The following KCNIP4 variants were observed in gnomAD, a reference collection of about 807,000 sequenced individuals.
KCNIP4 encodes the protein Kv channel-interacting protein 4.
A neutral mutation model predicts 34.0 loss-of-function variants in KCNIP4; 12 were observed. The observed-to-expected ratio is 0.35, with a 90% CI of 0.23 to 0.57. The LOEUF is 0.57. Ranked by LOEUF, KCNIP4 falls within the 20% of genes least tolerant of loss-of-function variation. The pLI is 0.83. For missense variants in KCNIP4, 238 were observed against 311.7 expected (o/e 0.76, Z 1.78); for synonymous variants, 124 against 102.2 (o/e 1.21, Z -1.29).
intron 1 of KCNIP4, among the ~76,000 whole-genome samples, chr4:20,952,960 C>T (rs920790029): frequency 1.3e-5 from 2 of 152,228 alleles, no homozygotes; most frequent in African/African-American, 4.8e-5. Context: ...TAAACTCCCC[C>T]AGTCCTCTTT....
At chr4:21,252,037 T>TG (rs1196734109) in intron 1 of KCNIP4, among the ~76,000 whole-genome samples, 1 of 149,452 alleles carries the variant, frequency 6.7e-6, no homozygotes, top group Non-Finnish European at 1.5e-5. Context: ...AGAAATATAA[T>TG]GGGAAAAAAA....
At chr4:21,268,501 A>AATT (rs1441852498) in intron 1 of KCNIP4, among the ~76,000 whole-genome samples, 6 of 152,156 alleles carry the variant, frequency 3.9e-5, no homozygotes, top group Non-Finnish European at 5.9e-5. Context: ...TGTTTTCTAA[A>AATT]ATTAACTTTG....
intron 1 of KCNIP4, among the ~76,000 whole-genome samples, chr4:20,963,509 A>G (rs1203232364): frequency 6.6e-6 from 1 of 152,164 alleles, no homozygotes; most frequent in Non-Finnish European, 1.5e-5. Flanking sequence ...ACAATGATTT[A>G]TTAATGAACT....
At chr4:21,278,097 C>T (rs1762546897) in intron 1 of KCNIP4, among the ~76,000 whole-genome samples, 2 of 151,786 alleles carry the variant, frequency 1.3e-5, no homozygotes, top group South Asian at 2.1e-4. Flanking sequence ...GTAAAAAATT[C>T]CCACTTTCTT....
intron 1 of KCNIP4, among the ~76,000 whole-genome samples, chr4:21,507,754 T>C (rs1733968830): frequency 6.6e-6 from 1 of 152,190 alleles, no homozygotes. Flanking sequence ...AAGATAGTTA[T>C]GATGAACTAA....
At chr4:21,286,561 T>C (rs552877399) in intron 1 of KCNIP4, among the ~76,000 whole-genome samples, 4 of 152,300 alleles carry the variant, frequency 2.6e-5, no homozygotes, top group African/African-American at 9.6e-5. Context: ...CCAGAAACAT[T>C]TCTCCTAAAT....
chr4:20,786,725 A>G (rs1712049176), intron 3 of KCNIP4, among the ~76,000 whole-genome samples: 1 of 152,098 alleles, frequency 6.6e-6, no homozygotes, highest in Non-Finnish European at 1.5e-5. Context: ...GCCACTACCA[A>G]TTTCTTGCAA....
chr4:21,315,775 C>T (rs1244117658), intron 1 of KCNIP4, among the ~76,000 whole-genome samples: 2 of 152,082 alleles, frequency 1.3e-5, no homozygotes. Flanking sequence ...GCCTCTCTTC[C>T]CTTCTGATCT....
intron 1 of KCNIP4, among the ~76,000 whole-genome samples, chr4:21,580,663 T>C (rs749670025): frequency 6.6e-6 from 1 of 152,124 alleles, no homozygotes; most frequent in Non-Finnish European, 1.5e-5. Context: ...CAAATATTTT[T>C]ACATTTGCCA....
At chr4:21,297,102 GTA>G (rs35254813) in intron 1 of KCNIP4, among the ~76,000 whole-genome samples, 4,896 of 143,772 alleles carry the variant, frequency 0.034, 140 homozygotes, top group East Asian at 0.093. Context: ...TCAAATATGT[GTA>G]TATATATATA....
Position 21,733,857 on chromosome 4 carries a change from T to C in KCNIP4, c.61+214714A>G, listed in dbSNP as rs139219822. On this transcript the variant is annotated intron_variant, in intron 1 of 8. Coordinates refer to ENST00000382152, the MANE Select transcript of KCNIP4 (RefSeq NM_025221.6). The stretch of plus-strand genomic sequence containing the variant: ...TTAATAATTCCTTATTCAGAAAGTT[T>C]AGCCATTCCCATCAATGCATATGAC... Among the ~76,000 whole-genome samples the C allele has an allele frequency of 1.1e-4, 17 of 152,306 alleles. 1 individual carries two copies. The South Asian group carries it at 1.9e-3, about 17-fold the overall frequency.
At chr4:21,257,818 C>G (rs1364131896) in intron 1 of KCNIP4, among the ~76,000 whole-genome samples, 1 of 151,794 alleles carries the variant, frequency 6.6e-6, no homozygotes, top group Non-Finnish European at 1.5e-5. Flanking sequence ...TGCATTTAAC[C>G]AGACCTGTTC....
chr4:21,375,952 T>G (rs1720927303), intron 1 of KCNIP4, among the ~76,000 whole-genome samples: 1 of 152,136 alleles, frequency 6.6e-6, no homozygotes, highest in African/African-American at 2.4e-5. Context: ...AGAGTCTCCC[T>G]CCTAAGAGAT....
At chr4:21,434,969 T>C (rs1251290227) in intron 1 of KCNIP4, among the ~76,000 whole-genome samples, 3 of 152,090 alleles carry the variant, frequency 2.0e-5, no homozygotes, top group Non-Finnish European at 4.4e-5. Context: ...CATAGAGTTG[T>C]TGAGGGAGTT....
At chr4:21,001,312 T>C (rs1022698124) in intron 1 of KCNIP4, among the ~76,000 whole-genome samples, 1 of 152,206 alleles carries the variant, frequency 6.6e-6, no homozygotes, top group African/African-American at 2.4e-5. Flanking sequence ...TAATTGCTTA[T>C]GAAGAAACTG....
intron 4 of KCNIP4, among the ~76,000 whole-genome samples, chr4:20,757,969 C>T (rs1324478462): frequency 6.6e-6 from 1 of 152,112 alleles, no homozygotes; most frequent in Non-Finnish European, 1.5e-5. Flanking sequence ...TTTTAACTCC[C>T]ATAATCACAG....
chr4:21,882,833 A>T lies in KCNIP4; in HGVS notation c.61+65738T>A, dbSNP rs140208930. On this transcript the variant is annotated intron_variant, in intron 1 of 8. Coordinates refer to ENST00000382152, the MANE Select transcript of KCNIP4 (RefSeq NM_025221.6). ...GACTTTTCCTAAGGAGGGTCTCAAG[A>T]ACTTCTTTTCCAGAATAACCAGACA... Among the ~76,000 whole-genome samples, 1,180 of 152,272 alleles carry T rather than the reference A, an allele frequency of 7.7e-3. 21 individuals carry two copies. The highest frequency in any genetic ancestry group is 0.027 in the African/African-American group (1,135 of 41,580).
intron 1 of KCNIP4, among the ~76,000 whole-genome samples, chr4:21,784,709 C>G (rs1038980982): frequency 6.6e-6 from 1 of 152,144 alleles, no homozygotes; most frequent in Non-Finnish European, 1.5e-5. Context: ...GAAAATCCAA[C>G]TAGGTCAAAT....
At chr4:21,459,844 C>A (rs1169024444) in intron 1 of KCNIP4, among the ~76,000 whole-genome samples, 1 of 152,032 alleles carries the variant, frequency 6.6e-6, no homozygotes, top group Non-Finnish European at 1.5e-5. Context: ...AATCCAACCA[C>A]TTTCACCATC....
Sources: allele counts gnomAD v4.1 joint callset (sites outside exome capture counted in the v4.1 genomes callset), GRCh38; gene constraint gnomAD v4.1.1; transcripts MANE v1.5; gene names NCBI Gene and HGNC (gene_info 2026-07-23, HGNC 2026-07-21).